Variants in CERS4 observed in about 807,000 individuals in gnomAD.
The protein encoded by CERS4 is ceramide synthase 4.
CERS4 carries 65 observed loss-of-function variants against 51.8 expected under a neutral mutation model. The ratio of observed to expected loss-of-function variants is 1.26; its 90% CI spans 1.03 to 1.54. The LOEUF (loss-of-function observed/expected upper bound fraction) is 1.54, where lower values mean the gene tolerates loss of function less well. Among genes scored for constraint, CERS4 ranks in the 40% most tolerant of loss-of-function variants. The pLI is 0.00. For missense variants in CERS4, 563 were observed against 500.4 expected, an observed-to-expected ratio of 1.13 and a Z score of -1.19; for synonymous variants, 228 against 208.4, an observed-to-expected ratio of 1.09 and a Z score of -0.81.
chr19:8,214,994 A>AAGAG (rs779796361), intron 2 of CERS4, among the ~76,000 whole-genome samples: 1 of 63,968 alleles, frequency 1.6e-5, no homozygotes, highest in African/African-American at 5.7e-5. Flanking sequence ...GAGGGGGAGG[A>AAGAG]GAGGGAGGAG....
chr19:8,231,851 AT>A (rs3042169), intron 2 of CERS4, among the ~76,000 whole-genome samples: 1,567 of 104,344 alleles, frequency 0.015, 39 homozygotes, highest in African/African-American at 0.046. Flanking sequence ...TGTGCCCAGC[AT>A]TTTTTTTTTT....
chr19:8,226,879 A>T (rs62126390), intron 2 of CERS4, among the ~76,000 whole-genome samples: 14,790 of 152,198 alleles, frequency 0.097, 767 homozygotes, highest in East Asian at 0.16. Context: ...CTGTAATCCC[A>T]GCACTTTGGG....
At chr19:8,258,371 C>T (rs541075626) in intron 10 of CERS4, among the ~76,000 whole-genome samples, 6 of 152,188 alleles carry the variant, frequency 3.9e-5, no homozygotes, top group South Asian at 4.1e-4. Flanking sequence ...GAGGCAGCCA[C>T]GTGAACTGCA....
At chr19:8,232,058 A>T (rs1191086111) in intron 2 of CERS4, among the ~76,000 whole-genome samples, 2 of 149,694 alleles carry the variant, frequency 1.3e-5, no homozygotes, top group Non-Finnish European at 3.0e-5. Flanking sequence ...TCAAACTCCT[A>T]GCCTCAAGTA....
chr19:8,225,162 AG>A lies in CERS4; in HGVS notation c.-2+14301del, dbSNP rs1357984939. 5 of 152,570 alleles carry A rather than the reference AG, an allele frequency of 3.3e-5. No homozygotes were observed. The East Asian group carries it at 9.7e-4, about 29-fold the overall frequency. 9.5% of individuals were successfully genotyped at this position (152,570 alleles called of 1,614,324 possible). ...CTGGCATAATTTAGGGAGAAAAACCAGCACAAATTAGAGAAAACAGCAGAGA... is the reference window on the plus strand; with the variant it reads ...CTGGCATAATTTAGGGAGAAAAACCACACAAATTAGAGAAAACAGCAGAGA... On this transcript the variant is annotated intron_variant, in intron 2 of 11. Transcript: ENST00000251363.
intron 2 of CERS4, among the ~76,000 whole-genome samples, chr19:8,246,171 G>GGT (rs1968779772): frequency 6.6e-6 from 1 of 151,988 alleles, no homozygotes; most frequent in Non-Finnish European, 1.5e-5. Flanking sequence ...ACTGGGAAGA[G>GGT]GTATGAGGGA....
intron 2 of CERS4, among the ~76,000 whole-genome samples, chr19:8,242,231 A>G (rs1323903912): frequency 6.6e-6 from 1 of 152,156 alleles, no homozygotes; most frequent in African/African-American, 2.4e-5. Flanking sequence ...AAACCACAGC[A>G]TCTTTTATTT....
chr19:8,247,732 C>CTTTTTT (rs370855290), intron 2 of CERS4, among the ~76,000 whole-genome samples: 3 of 131,156 alleles, frequency 2.3e-5, no homozygotes, highest in South Asian at 2.5e-4. Flanking sequence ...ACCTCCGCAT[C>CTTTTTT]TTTTTTTTTT....
chr19:8,261,339 T>G, intron 10 of CERS4: 1 of 268,596 alleles, frequency 3.7e-6, no homozygotes, highest in Non-Finnish European at 7.2e-6. Flanking sequence ...ATGAGGTGAG[T>G]AGGCAGTCGC....
rs1324921883 is a variant in CERS4, at chr19:8,224,604, CA to C, written c.-2+13743del. ...GGAGGGCATTACTGGTAGGGAATGGCATGTGCCAAGGTCCATTTGCTGGGGA... is the reference window on the plus strand; with the variant it reads ...GGAGGGCATTACTGGTAGGGAATGGCTGTGCCAAGGTCCATTTGCTGGGGA... On this transcript the variant is annotated intron_variant, in intron 2 of 11. Transcript: ENST00000251363. Among the ~76,000 whole-genome samples, 3 of 152,192 alleles carry C rather than the reference CA, an allele frequency of 2.0e-5. No homozygotes were observed. The East Asian group carries it at 5.8e-4, about 29-fold the overall frequency.
intron 2 of CERS4, among the ~76,000 whole-genome samples, chr19:8,235,853 G>T (rs1239219277): frequency 6.6e-6 from 1 of 151,646 alleles, no homozygotes; most frequent in Non-Finnish European, 1.5e-5. Context: ...CTGTGATCGT[G>T]CCACTGTAGT....
chr19:8,232,571 C>T (rs1221276533), intron 2 of CERS4, among the ~76,000 whole-genome samples: 1 of 152,054 alleles, frequency 6.6e-6, no homozygotes, highest in African/African-American at 2.4e-5. Context: ...GGATTATAGG[C>T]ATGAGCCACT....
Position 8,231,851 on chromosome 19 carries a change from A to ATTTTTTTTTTT in CERS4, c.-1-19213_-1-19203dup, listed in dbSNP as rs3042169. Among the ~76,000 whole-genome samples the ATTTTTTTTTTT allele has an allele frequency of 7.1e-4, 74 of 104,400 alleles. 5 individuals carry two copies. The highest frequency in any genetic ancestry group is 5.1e-3 in the Middle Eastern group (1 of 196). The allele number at this position is 104,400 out of a possible 152,430, so 68.5% of individuals were successfully genotyped here. A position where few individuals can be genotyped will look rare whatever the true frequency, so the allele number is the denominator to read the frequency against. On this transcript the variant is annotated intron_variant, in intron 2 of 11. Transcript: ENST00000251363. ...ACAAGCATGAGGCACTGTGCCCAGCATTTTTTTTTTTTTTTTTTTTTTAGA... is the reference window on the plus strand; with the variant it reads ...ACAAGCATGAGGCACTGTGCCCAGCATTTTTTTTTTTTTTTTTTTTTTTTTTTTTTTTTAGA...
At chr19:8,260,608 TTTTC>T (rs1969634369) in intron 10 of CERS4, among the ~76,000 whole-genome samples, 2 of 152,032 alleles carry the variant, frequency 1.3e-5, no homozygotes, top group South Asian at 4.2e-4. Flanking sequence ...CTTTTTGTTT[TTTTC>T]TTTCTTGTGT....
rs1321847362 is a variant in CERS4, at chr19:8,262,353, A to G, written c.*244A>G. 2 of 404,832 alleles carry G rather than the reference A, an allele frequency of 4.9e-6. No individual in the cohort carries two copies. The highest frequency in any genetic ancestry group is 8.4e-5 in the Admixed American group (2 of 23,700). The allele number at this position is 404,832 out of a possible 1,614,324, so 25.1% of individuals were successfully genotyped here. On this transcript the variant is annotated 3_prime_UTR_variant, in exon 12 of 12. Coordinates refer to ENST00000251363, the MANE Select transcript of CERS4 (RefSeq NM_024552.3). ...GCTGTGGCTGGCCAGAGACACCTCC[A>G]GGCTGTGGCCTGGGGGCTGGGGGGA...
intron 2 of CERS4, among the ~76,000 whole-genome samples, chr19:8,214,062 T>TCACACA (rs201116348): frequency 0.013 from 2,037 of 151,692 alleles, 32 homozygotes; most frequent in Middle Eastern, 0.031. Context: ...TAGGATGCTG[T>TCACACA]CACACACACA....
Position 8,221,870 on chromosome 19 carries a change from A to ATTTTTTTT in CERS4, c.-2+11009_-2+11010insTTTTTTTT, listed in dbSNP as rs1568501097. Among the ~76,000 whole-genome samples the ATTTTTTTT allele has an allele frequency of 9.4e-5, 3 of 31,752 alleles. 1 individual carries two copies. The highest frequency in any genetic ancestry group is 2.5e-3 in the South Asian group (2 of 786). 20.8% of individuals were successfully genotyped at this position (31,752 alleles called of 152,430 possible). On this transcript the variant is annotated intron_variant, in intron 2 of 11. Transcript: ENST00000251363. The stretch of plus-strand genomic sequence containing the variant: ...TACTTACTGACTTATTTATTTTTTT[A>ATTTTTTTT]TGTTTTTTTTTTTTTTTTTTTTTTT...
At chr19:8,245,673 G>T (rs1166705080) in intron 2 of CERS4, among the ~76,000 whole-genome samples, 1 of 151,782 alleles carries the variant, frequency 6.6e-6, no homozygotes, top group East Asian at 1.9e-4. Flanking sequence ...CTGAGTAGCT[G>T]GGATTACAGG....
At chr19:8,213,172 C>G (rs1469770758) in intron 2 of CERS4, among the ~76,000 whole-genome samples, 1 of 152,098 alleles carries the variant, frequency 6.6e-6, no homozygotes, top group Non-Finnish European at 1.5e-5. Context: ...GCATAAGCCA[C>G]CACACCTGGC....
Sources: allele counts gnomAD v4.1 joint callset (sites outside exome capture counted in the v4.1 genomes callset), GRCh38; gene constraint gnomAD v4.1.1; transcripts MANE v1.5; gene names NCBI Gene and HGNC (gene_info 2026-07-23, HGNC 2026-07-21).